The following GADL1 variants were observed in gnomAD, a reference collection of about 807,000 sequenced individuals.
The protein encoded by GADL1 is GAD like acidic amino acid decarboxylase 1.
In GADL1, 71 loss-of-function variants were observed where a neutral mutation model predicts 69.5. That is an observed-to-expected ratio of 1.02 (90% CI 0.84 to 1.25). The LOEUF (loss-of-function observed/expected upper bound fraction) is 1.25. Among genes scored for constraint, GADL1 ranks in the 50% most tolerant of loss-of-function variants. GADL1 has a pLI of 0.00. For missense variants in GADL1, 737 were observed against 631.8 expected, an observed-to-expected ratio of 1.17 and a Z score of -1.79; for synonymous variants, 254 against 214.4, an observed-to-expected ratio of 1.18 and a Z score of -1.62.
intron 12 of GADL1, chr3:30,799,613 A>G (rs2125506221): frequency 6.6e-6 from 1 of 152,312 alleles, no homozygotes. Flanking sequence ...CTTGTTACTT[A>G]GGCAAATTTC....
At chr3:30,806,803 G>A (rs1697264453) in intron 11 of GADL1, among the ~76,000 whole-genome samples, 1 of 152,182 alleles carries the variant, frequency 6.6e-6, no homozygotes, top group Non-Finnish European at 1.5e-5. Context: ...TTAAGGAGGT[G>A]GGCCATAGCT....
chr3:30,739,436 T>G (rs561704862), intron 14 of GADL1, among the ~76,000 whole-genome samples: 1 of 152,334 alleles, frequency 6.6e-6, no homozygotes, highest in Admixed American at 6.5e-5. Flanking sequence ...TTTTTTCCAC[T>G]GATTATTTGC....
At chr3:30,764,090 C>G (rs752473036) in intron 14 of GADL1, among the ~76,000 whole-genome samples, 1 of 151,992 alleles carries the variant, frequency 6.6e-6, no homozygotes, top group African/African-American at 2.4e-5. Context: ...TTTTAACATT[C>G]ATAAAAATGC....
At chr3:30,831,282 C>A (rs9828474) in intron 11 of GADL1, among the ~76,000 whole-genome samples, 39,564 of 151,822 alleles carry the variant, frequency 0.26, 6,091 homozygotes, top group African/African-American at 0.4. Context: ...TATGCCTCAG[C>A]CAAAATACGC....
At chr3:30,770,842 A>C (rs376168235) in intron 14 of GADL1, among the ~76,000 whole-genome samples, 2 of 152,232 alleles carry the variant, frequency 1.3e-5, no homozygotes, top group East Asian at 1.9e-4. Flanking sequence ...AAGCTCAAGG[A>C]AAGAAAAAAA....
intron 1 of GADL1, among the ~76,000 whole-genome samples, chr3:30,875,692 G>A (rs1040262716): frequency 4.6e-5 from 7 of 151,920 alleles, no homozygotes; most frequent in Admixed American, 6.6e-5. Context: ...TTGCCCTCTC[G>A]GGTGGTTTCC....
rs1393746 is a variant in GADL1, at chr3:30,861,731, C to G, written c.72G>C (p.Lys24Asn). The change falls in exon 2 of 15, where the codon AAG (lysine) becomes AAC (asparagine). Residue 24 changes from lysine (K) to asparagine (N), a missense_variant. By Grantham distance (94) the Lys-to-Asn change is moderately conservative (BLOSUM62 0). Transcript: ENST00000282538. ...DIDQQEMIPS[K>N]KNAVLVDGVV... Reference sequence around the variant, plus strand: ...CCCCATCCACAAGAACAGCATTCTTCTTACTTGGAATCATCTCTTGTTGAT... The same window carrying G: ...CCCCATCCACAAGAACAGCATTCTTGTTACTTGGAATCATCTCTTGTTGAT... 6.5e-7 allele frequency: 1 copy of G among 1,547,966 alleles called. No homozygotes were observed. The highest frequency in any genetic ancestry group is 8.7e-7 in the Non-Finnish European group (1 of 1,145,222).
At chr3:30,761,627 A>G (rs911937396) in intron 14 of GADL1, among the ~76,000 whole-genome samples, 6 of 152,142 alleles carry the variant, frequency 3.9e-5, no homozygotes, top group African/African-American at 1.4e-4. Context: ...ACTTTATCCA[A>G]TTGAAACTAT....
At chr3:30,767,346 G>C (rs770665158) in intron 14 of GADL1, among the ~76,000 whole-genome samples, 1 of 152,168 alleles carries the variant, frequency 6.6e-6, no homozygotes, top group African/African-American at 2.4e-5. Flanking sequence ...CAGGAGGATA[G>C]AGTATTAGCA....
chr3:30,871,251 G>T (rs1698478097), intron 1 of GADL1, among the ~76,000 whole-genome samples: 1 of 151,618 alleles, frequency 6.6e-6, no homozygotes, highest in African/African-American at 2.4e-5. Context: ...AGCTGTTGAT[G>T]GGATAAGAAG....
At chr3:30,886,344 C>A (rs1180410563) in intron 1 of GADL1, among the ~76,000 whole-genome samples, 2 of 152,094 alleles carry the variant, frequency 1.3e-5, no homozygotes, top group Admixed American at 6.6e-5. Flanking sequence ...TTTCTGCACA[C>A]CAAAAGACAA....
intron 14 of GADL1, among the ~76,000 whole-genome samples, chr3:30,740,984 T>TTATATATTATATATTAA (rs1190209041): frequency 8.7e-5 from 11 of 126,546 alleles, no homozygotes; most frequent in African/African-American, 3.7e-4. Flanking sequence ...TTAATATATA[T>TTATATATTATATATTAA]TATATATTAT....
At chr3:30,805,509 T>A (rs1697234112) in intron 11 of GADL1, among the ~76,000 whole-genome samples, 1 of 152,214 alleles carries the variant, frequency 6.6e-6, no homozygotes, top group Non-Finnish European at 1.5e-5. Context: ...ATCCTGTTTT[T>A]AAAGCATTTT....
At position 30,837,362 on chromosome 3, in the gene GADL1, A is replaced by G. The variant is rs146200355; in HGVS notation, c.903+1635T>C. 1.6e-3 allele frequency among the ~76,000 whole-genome samples: 247 copies of G among 152,252 alleles called. 1 individual carries two copies. The highest frequency in any genetic ancestry group is 2.8e-3 in the Non-Finnish European group (189 of 67,988). ...TAAAGGATGGGTAAACATGTCTTTA[A>G]TAAGCCAGATAGGCTTGTGTCAAAT... On this transcript the variant is annotated intron_variant, in intron 9 of 14. Coordinates refer to ENST00000282538, the MANE Select transcript of GADL1 (RefSeq NM_207359.3).
intron 11 of GADL1, among the ~76,000 whole-genome samples, chr3:30,810,725 G>A (rs1697335068): frequency 6.6e-6 from 1 of 152,008 alleles, no homozygotes; most frequent in Non-Finnish European, 1.5e-5. Context: ...TCCTCTCTTG[G>A]CCGCACCCTC....
chr3:30,856,869 G>A (rs1698237035), intron 3 of GADL1, 146 bp downstream of exon 3: 4 of 628,070 alleles, frequency 6.4e-6, no homozygotes, highest in Non-Finnish European at 1.1e-5. Flanking sequence ...AGGGATTAAA[G>A]GGACCATTGC....
chr3:30,856,788 T>A (rs1698236305), intron 3 of GADL1, among the ~76,000 whole-genome samples: 1 of 152,008 alleles, frequency 6.6e-6, no homozygotes, highest in Non-Finnish European at 1.5e-5. Context: ...GAAGAGGATA[T>A]TTACATACAA....
intron 1 of GADL1, among the ~76,000 whole-genome samples, chr3:30,892,756 T>G (rs1392869830): frequency 6.6e-6 from 1 of 152,222 alleles, no homozygotes; most frequent in Non-Finnish European, 1.5e-5. Context: ...GATAAAACTA[T>G]TTTAACCATC....
intron 12 of GADL1, 158 bp downstream of exon 12, chr3:30,800,731 C>A: frequency 3.1e-6 from 2 of 649,256 alleles, no homozygotes. Context: ...TGAAATAATG[C>A]ACAAATGAAA....
Sources: allele counts gnomAD v4.1 joint callset (sites outside exome capture counted in the v4.1 genomes callset), GRCh38; gene constraint gnomAD v4.1.1; transcripts MANE v1.5; gene names NCBI Gene and HGNC (gene_info 2026-07-23, HGNC 2026-07-21).